Variants in RERE observed in about 807,000 individuals in gnomAD.
The protein encoded by RERE is arginine-glutamic acid dipeptide repeats.
RERE carries 40 observed loss-of-function variants against 146.1 expected under a neutral mutation model. The ratio of observed to expected loss-of-function variants is 0.27; its 90% confidence interval spans 0.21 to 0.36. The LOEUF (loss-of-function observed/expected upper bound fraction) is 0.36. RERE is among the 10% of genes least tolerant of loss of function. The pLI, the probability that RERE is intolerant of heterozygous loss-of-function variation, is 1.00. For missense variants in RERE, 1,933 were observed against 2,138.7 expected, an observed-to-expected ratio of 0.90 and a Z score of 1.90; for synonymous variants, 1,003 against 866.0, an observed-to-expected ratio of 1.16 and a Z score of -2.78.
At chr1:8,763,711 C>T (rs1047564523) in intron 1 of RERE, among the ~76,000 whole-genome samples, 3 of 152,138 alleles carry the variant, frequency 2.0e-5, no homozygotes, top group African/African-American at 4.8e-5. Context: ...GAGGCCGAGG[C>T]AGGCGGATCA....
Position 8,647,641 on chromosome 1 carries a change from ATGTGTGTGTG to A in RERE, c.325+8322_325+8331del, listed in dbSNP as rs1553127411. ...AAATGAGCTTCTATTTAAAATATGTATGTGTGTGTGTGTGTGTGTGTGTGTGTGTGTGTGT... is the reference window on the plus strand; with the variant it reads ...AAATGAGCTTCTATTTAAAATATGTATGTGTGTGTGTGTGTGTGTGTGTGT... On this transcript the variant is annotated intron_variant, in intron 2 of 22. Transcript: ENST00000400908. 5.0e-4 allele frequency among the ~76,000 whole-genome samples: 74 copies of A among 148,642 alleles called. 1 individual carries two copies. In the South Asian group the frequency reaches 6.3e-3, roughly 13 times the overall value.
Position 8,358,648 on chromosome 1 carries a change from T to C in RERE, c.3887A>G (p.Asp1296Gly). 1 of 1,584,774 alleles carries C rather than the reference T, an allele frequency of 6.3e-7. No homozygotes were observed. ...GAGCTCCCGCTCGCGGATGGTGGGG[T>C]CGACGTTGTAGAGGCCAGGCATGTG... ...AYHMPGLYNV[D>G]PTIRERELRE... Residue 1296 changes from aspartate to glycine, a missense_variant, in exon 20 of 23, where the codon GAC (aspartate) becomes GGC (glycine). By Grantham distance (94) the Asp-to-Gly change is moderately conservative. Transcript: ENST00000400908.
At chr1:8,428,095 A>G (rs1644042455) in intron 11 of RERE, among the ~76,000 whole-genome samples, 1 of 152,186 alleles carries the variant, frequency 6.6e-6, no homozygotes, top group Admixed American at 6.5e-5. Context: ...TTCTGTGTCC[A>G]TTAGTTTTTC....
At chr1:8,526,440 A>C (rs1645572154) in intron 7 of RERE, among the ~76,000 whole-genome samples, 1 of 152,166 alleles carries the variant, frequency 6.6e-6, no homozygotes, top group East Asian at 1.9e-4. Context: ...GTAGCTACTT[A>C]AGAGAAGCAA....
At chr1:8,669,343 G>A (rs1026348350) in intron 1 of RERE, among the ~76,000 whole-genome samples, 4 of 151,988 alleles carry the variant, frequency 2.6e-5, no homozygotes, top group South Asian at 4.1e-4. Flanking sequence ...CCAGCAATCC[G>A]CCCGCCTTGG....
intron 1 of RERE, among the ~76,000 whole-genome samples, chr1:8,713,991 T>G (rs573476119): frequency 3.9e-5 from 6 of 152,150 alleles, no homozygotes; most frequent in Non-Finnish European, 7.3e-5. Context: ...AAAATACACA[T>G]AGCACATGAA....
At chr1:8,502,477 C>G (rs1172851726) in intron 8 of RERE, among the ~76,000 whole-genome samples, 3 of 127,420 alleles carry the variant, frequency 2.4e-5, no homozygotes, top group Admixed American at 7.4e-5. Context: ...GGGGTCAGCC[C>G]CCTGCCCGGC....
rs193126473 is a variant in RERE, at chr1:8,720,024, G to C, written c.-144-63583C>G. Reference sequence around the variant, plus strand: ...GCCCTAATATGTGCCAGATGCTTTGGGGCGGCTGAGGCGGGCAAATCATGA... The same window carrying C: ...GCCCTAATATGTGCCAGATGCTTTGCGGCGGCTGAGGCGGGCAAATCATGA... On this transcript the variant is annotated intron_variant, in intron 1 of 22. Coordinates refer to ENST00000400908, the MANE Select transcript of RERE (RefSeq NM_001042681.2). 4.3e-3 allele frequency among the ~76,000 whole-genome samples: 658 copies of C among 152,046 alleles called. 3 individuals carry two copies. The highest frequency in any genetic ancestry group is 0.017 in the South Asian group (82 of 4,812).
intron 12 of RERE, among the ~76,000 whole-genome samples, chr1:8,401,919 G>A (rs1432279490): frequency 6.6e-6 from 1 of 152,098 alleles, no homozygotes; most frequent in Non-Finnish European, 1.5e-5. Flanking sequence ...AGGCTGGAGT[G>A]CAGTGGCATG....
intron 4 of RERE, among the ~76,000 whole-genome samples, chr1:8,590,126 T>C (rs7526171): frequency 0.6 from 91,241 of 151,926 alleles, 27,898 homozygotes; most frequent in East Asian, 0.83. Flanking sequence ...ATCTGAGAGC[T>C]GGCCAGACAG....
chr1:8,524,068 G>T (rs1439543189), intron 7 of RERE, among the ~76,000 whole-genome samples: 1 of 152,164 alleles, frequency 6.6e-6, no homozygotes, highest in African/African-American at 2.4e-5. Flanking sequence ...TCTATTGAAG[G>T]GATACTTTTA....
rs556122864 is a variant in RERE, at chr1:8,727,157, G to T, written c.-144-70716C>A. ...GTCTTTTTTTTGGAGGGCGCGGGGT[G>T]GGGGGAAAGGAGTCTCGCTCTGTAG... On this transcript the variant is annotated intron_variant, in intron 1 of 22. Coordinates refer to ENST00000400908, the MANE Select transcript of RERE (RefSeq NM_001042681.2). 2.7e-3 allele frequency among the ~76,000 whole-genome samples: 396 copies of T among 149,202 alleles called. 2 individuals are homozygous for T. Among genetic ancestry groups the T allele is most frequent in the African/African-American group, 9.4e-3 (375 of 39,980 alleles).
chr1:8,804,232 C>T (rs913254491), intron 1 of RERE, among the ~76,000 whole-genome samples: 5 of 152,070 alleles, frequency 3.3e-5, no homozygotes, highest in Non-Finnish European at 7.4e-5. Context: ...CTACCAAGAT[C>T]AGAATGTTCA....
At chr1:8,386,023 T>TATATATATATATATATATA (rs1491131483) in intron 12 of RERE, among the ~76,000 whole-genome samples, 1 of 21,726 alleles carries the variant, frequency 4.6e-5, no homozygotes, top group African/African-American at 2.0e-4. Context: ...TATATATATA[T>TATATATATATATATATATA]TTTTTTTTTT....
At chr1:8,653,304 C>CCT (rs1221750121) in intron 2 of RERE, among the ~76,000 whole-genome samples, 2 of 152,148 alleles carry the variant, frequency 1.3e-5, no homozygotes, top group Non-Finnish European at 2.9e-5. Flanking sequence ...AGGCAGCTTG[C>CCT]CTTTTGACAG....
chr1:8,529,338 G>A (rs1454506204), intron 7 of RERE, among the ~76,000 whole-genome samples: 1 of 137,106 alleles, frequency 7.3e-6, no homozygotes, highest in African/African-American at 2.8e-5. Flanking sequence ...TGCACAGGCT[G>A]GAGTGCAGTG....
chr1:8,601,370 T>C (rs1646623184), intron 4 of RERE, among the ~76,000 whole-genome samples: 1 of 152,090 alleles, frequency 6.6e-6, no homozygotes. Flanking sequence ...CTGAGAGGAA[T>C]GTTCCCCAAT....
intron 12 of RERE, among the ~76,000 whole-genome samples, chr1:8,413,795 C>T (rs543891826): frequency 1.3e-5 from 2 of 152,158 alleles, no homozygotes; most frequent in East Asian, 3.9e-4. Flanking sequence ...ATGGCTCATG[C>T]CTGTGATCCC....
chr1:8,667,747 T>TATGAAAAAGTATAGG (rs1428359393), intron 1 of RERE, among the ~76,000 whole-genome samples: 1 of 152,246 alleles, frequency 6.6e-6, no homozygotes, highest in African/African-American at 2.4e-5. Context: ...CATATACTTT[T>TATGAAAAAGTATAGG]AAATGTGAAG....
Sources: allele counts gnomAD v4.1 joint callset (sites outside exome capture counted in the v4.1 genomes callset), GRCh38; gene constraint gnomAD v4.1.1; transcripts MANE v1.5; gene names NCBI Gene and HGNC (gene_info 2026-07-23, HGNC 2026-07-21).